NYAP2: variants seen among roughly 807,000 people sequenced by gnomAD.
NYAP2 encodes neuronal tyrosine-phosphorylated phosphoinositide-3-kinase adapter 2.
Under a neutral mutation model 50.4 loss-of-function variants are expected in NYAP2, and 23 were observed. That is an observed-to-expected ratio of 0.46 (90% CI 0.33 to 0.65). The LOEUF (loss-of-function observed/expected upper bound fraction) is 0.65, where lower values mean the gene tolerates loss of function less well. Among genes scored for constraint, NYAP2 ranks in the 30% least tolerant of loss-of-function variants. The pLI is 0.02. For synonymous variants in NYAP2, 394 were observed against 365.2 expected (o/e 1.08, Z -0.90); for missense variants, 885 against 861.0 (o/e 1.03, Z -0.35).
intron 3 of NYAP2, among the ~76,000 whole-genome samples, chr2:225,497,900 A>T (rs1206557179): frequency 3.3e-5 from 5 of 152,086 alleles, no homozygotes; most frequent in Admixed American, 3.3e-4. Context: ...TTCCCTTTAG[A>T]GGTTGGAAAT....
the NYAP2 span, among the ~76,000 whole-genome samples, chr2:225,685,306 A>G: frequency 6.6e-6 from 1 of 152,166 alleles, no homozygotes; most frequent in African/African-American, 2.4e-5. Context: ...TTTATAATGA[A>G]ATTAAACTTG....
chr2:225,694,058 G>C, the NYAP2 span, among the ~76,000 whole-genome samples: 1 of 152,026 alleles, frequency 6.6e-6, no homozygotes, highest in African/African-American at 2.4e-5. Context: ...CATATGAATT[G>C]AACAACTGTC....
intron 5 of NYAP2, among the ~76,000 whole-genome samples, chr2:225,596,993 G>C (rs748503479): frequency 6.6e-6 from 1 of 152,038 alleles, no homozygotes; most frequent in Admixed American, 6.6e-5. Flanking sequence ...TTAAAAAGTC[G>C]TCTGTTTAAC....
At chr2:225,665,589 C>CAA in the NYAP2 span, among the ~76,000 whole-genome samples, 1 of 132,456 alleles carries the variant, frequency 7.5e-6, no homozygotes, top group African/African-American at 2.8e-5. Flanking sequence ...TTTTTGAGAC[C>CAA]AAAAAAAAAA....
chr2:225,674,640 T>G, the NYAP2 span, among the ~76,000 whole-genome samples: 1 of 152,072 alleles, frequency 6.6e-6, no homozygotes, highest in Non-Finnish European at 1.5e-5. Context: ...GACATGTCAT[T>G]AGTCTGTTGA....
chr2:225,518,051 A>G (rs1574654727), intron 4 of NYAP2, among the ~76,000 whole-genome samples: 1 of 152,272 alleles, frequency 6.6e-6, no homozygotes, highest in Middle Eastern at 3.4e-3. Context: ...ACAATAGCCA[A>G]GATATGGAAT....
chr2:225,673,090 G>A, the NYAP2 span, among the ~76,000 whole-genome samples: 1 of 152,016 alleles, frequency 6.6e-6, no homozygotes, highest in Non-Finnish European at 1.5e-5. Flanking sequence ...GGAAGGCAAG[G>A]AGGAACAAGT....
Position 225,512,089 on chromosome 2 carries a change from A to T in NYAP2, c.222-1282A>T, listed in dbSNP as rs556667406. Among the ~76,000 whole-genome samples the T allele has an allele frequency of 2.7e-4, 41 of 152,322 alleles. No homozygotes were observed. The Middle Eastern group carries it at 0.01, about 38-fold the overall frequency. Reference sequence around the variant, plus strand: ...CTTCCTTTTAAAAGTTTACATTCACATTTGTGTCCCTTCTTTTCATAAAGG... The same window carrying T: ...CTTCCTTTTAAAAGTTTACATTCACTTTTGTGTCCCTTCTTTTCATAAAGG... On this transcript the variant is annotated intron_variant, in intron 3 of 6. Transcript: ENST00000636099.
the NYAP2 span, among the ~76,000 whole-genome samples, chr2:225,684,770 C>T: frequency 1.3e-5 from 2 of 152,176 alleles, no homozygotes; most frequent in African/African-American, 4.8e-5. Context: ...AGGCTGGTCT[C>T]GAACTCCCGG....
chr2:225,520,754 C>A (rs564828116), intron 4 of NYAP2, among the ~76,000 whole-genome samples: 3 of 151,946 alleles, frequency 2.0e-5, no homozygotes, highest in South Asian at 2.1e-4. Context: ...TTGGCGATGC[C>A]GGCTCTTTTT....
upstream of NYAP2, among the ~76,000 whole-genome samples, chr2:225,398,388 A>G (rs1180662678): frequency 1.3e-5 from 2 of 152,048 alleles, no homozygotes; most frequent in African/African-American, 2.4e-5. Context: ...CAAAATTATC[A>G]GTCATGATAA....
At chr2:225,589,368 C>CTATT (rs1290708987) in intron 5 of NYAP2, among the ~76,000 whole-genome samples, 1 of 150,268 alleles carries the variant, frequency 6.7e-6, no homozygotes, top group Non-Finnish European at 1.5e-5. Flanking sequence ...TTTGTTTGGC[C>CTATT]TATTTAATAT....
chr2:225,568,585 A>G (rs573646801), intron 4 of NYAP2, among the ~76,000 whole-genome samples: 49 of 152,354 alleles, frequency 3.2e-4, no homozygotes, highest in Middle Eastern at 3.4e-3. Flanking sequence ...AGATTTACCA[A>G]GAATCTGTGA....
intron 5 of NYAP2, among the ~76,000 whole-genome samples, chr2:225,591,089 T>C (rs911781690): frequency 1.3e-5 from 2 of 152,174 alleles, no homozygotes; most frequent in African/African-American, 2.4e-5. Context: ...TCCAGGCTTT[T>C]GGAGGGGGAG....
chr2:225,649,712 G>T (rs529707938), intron 6 of NYAP2, among the ~76,000 whole-genome samples: 2 of 152,300 alleles, frequency 1.3e-5, no homozygotes, highest in East Asian at 1.9e-4. Context: ...CATAGACTGT[G>T]CAGTCCCTTA....
At chr2:225,485,749 G>C (rs527665928) in intron 3 of NYAP2, among the ~76,000 whole-genome samples, 71 of 152,282 alleles carry the variant, frequency 4.7e-4, no homozygotes, top group Non-Finnish European at 5.0e-4. Flanking sequence ...TTTCCAAATT[G>C]CTCAAATGAC....
Position 225,537,685 on chromosome 2 carries a change from C to A in NYAP2, c.523+24013C>A, listed in dbSNP as rs540786773. Among the ~76,000 whole-genome samples, 55 of 152,200 alleles carry A rather than the reference C, an allele frequency of 3.6e-4. No individual in the cohort carries two copies. The Middle Eastern group carries it at 0.031, about 85-fold the overall frequency. ...CAAACCATATCATTCCACCCCGACC[C>A]CTCCCAAATCTCATGTCCTCACATT... On this transcript the variant is annotated intron_variant, in intron 4 of 6. Coordinates refer to ENST00000636099, the Ensembl canonical transcript of NYAP2.
Position 225,582,655 on chromosome 2 carries a change from C to G in NYAP2, c.1238C>G (p.Ser413Trp). The G allele has an allele frequency of 6.3e-7, 1 of 1,595,642 alleles. No individual in the cohort carries two copies. ...TCTGCCACCCCTGCGCTCTCCTCGT[C>G]GCCCCCACCCCCGTCTACGCTGTAC... Residue 413 changes from serine to tryptophan, a missense_variant, in exon 5 of 7, where the codon TCG (serine) becomes TGG (tryptophan). Transcript: ENST00000636099. This position sits in a 1 kb window ranked among gnomAD's most constrained non-coding sequence, Gnocchi z 7.0.
intron 3 of NYAP2, among the ~76,000 whole-genome samples, chr2:225,489,902 A>G (rs1690374634): frequency 6.6e-6 from 1 of 152,192 alleles, no homozygotes; most frequent in African/African-American, 2.4e-5. Flanking sequence ...GGGTGGATCC[A>G]ATGTATAGCC....
Sources: allele counts gnomAD v4.1 joint callset (sites outside exome capture counted in the v4.1 genomes callset), GRCh38; gene constraint gnomAD v4.1.1; non-coding constraint Gnocchi (gnomAD v3.1); transcripts MANE v1.5; gene names NCBI Gene and HGNC (gene_info 2026-07-23, HGNC 2026-07-21).